Variants in LAMA1 observed in about 807,000 individuals in gnomAD.
LAMA1 encodes laminin subunit alpha 1.
Under a neutral mutation model 348.7 loss-of-function variants are expected in LAMA1, and 219 were observed. The observed-to-expected ratio is 0.63, with a 90% CI of 0.56 to 0.70. LAMA1 has a LOEUF of 0.70. LAMA1 is among the 30% of genes least tolerant of loss of function. The pLI is 0.00. For synonymous variants in LAMA1, 1,487 were observed against 1,491.0 expected, an observed-to-expected ratio of 1.00 and a Z score of 0.06; for missense variants, 3,744 against 3,888.0, an observed-to-expected ratio of 0.96 and a Z score of 0.99.
intron 1 of LAMA1, among the ~76,000 whole-genome samples, chr18:7,081,776 T>C (rs536826194): frequency 1.3e-5 from 2 of 152,322 alleles, no homozygotes; most frequent in Admixed American, 1.3e-4. Context: ...GAGAGCATAC[T>C]GCGAGGGTCT....
In LAMA1 at chr18:7,049,806, T is replaced by C. The variant is rs561732607; in HGVS notation, c.589-549A>G. 3.3e-4 allele frequency among the ~76,000 whole-genome samples: 50 copies of C among 152,342 alleles called. No homozygotes were observed. In the South Asian group the frequency reaches 9.9e-3, roughly 30 times the overall value. ...CTATTTCACTGTCTCAGATATACTA[T>C]ATACTTAAAATCTGTATGTTTTCCT... On this transcript the variant is annotated intron_variant, in intron 4 of 62. Coordinates refer to ENST00000389658, the MANE Select transcript of LAMA1 (RefSeq NM_005559.4).
intron 29 of LAMA1, 41 bp downstream of exon 29, chr18:7,007,098 T>C (rs1458593840): frequency 6.2e-7 from 1 of 1,611,384 alleles, no homozygotes; most frequent in African/African-American, 1.3e-5. Flanking sequence ...GCGTCCACTT[T>C]ACTTCTAAAC....
intron 60 of LAMA1, 72 bp downstream of exon 60, chr18:6,948,331 C>G: frequency 6.3e-7 from 1 of 1,593,376 alleles, no homozygotes. Flanking sequence ...CTGTCTTATA[C>G]TCTTGGATCC....
At chr18:6,967,572 C>T (rs1287038289) in intron 48 of LAMA1, among the ~76,000 whole-genome samples, 1 of 152,180 alleles carries the variant, frequency 6.6e-6, no homozygotes, top group Non-Finnish European at 1.5e-5. Context: ...CCAGGCAGTT[C>T]TTAGAACAGT....
At chr18:6,997,710 T>G (rs200730576) in intron 33 of LAMA1, 32 bp downstream of exon 33, 7 of 1,606,834 alleles carry the variant, frequency 4.4e-6, no homozygotes, top group Non-Finnish European at 6.0e-6. Context: ...ATGATACAAG[T>G]GTCTGTTCAT....
chr18:7,067,781 C>A (rs1196222056), intron 3 of LAMA1, among the ~76,000 whole-genome samples: 1 of 152,072 alleles, frequency 6.6e-6, no homozygotes, highest in Non-Finnish European at 1.5e-5. Context: ...ATTTCCAGGC[C>A]TTTCCCACCC....
chr18:6,998,765 G>T (rs973587346), intron 32 of LAMA1, among the ~76,000 whole-genome samples: 2 of 152,204 alleles, frequency 1.3e-5, no homozygotes, highest in Admixed American at 1.3e-4. Flanking sequence ...GGGCATGGTG[G>T]TTCATGCCTG....
intron 34 of LAMA1, among the ~76,000 whole-genome samples, chr18:6,994,722 A>AAAAG (rs397710361): frequency 6.6e-6 from 1 of 151,680 alleles, no homozygotes; most frequent in East Asian, 1.9e-4. Context: ...AAATGAAAAA[A>AAAAG]CAGTAAATTT....
In LAMA1 at chr18:7,011,438, A is replaced by G. The variant is rs1166314560; in HGVS notation, c.3549T>C (p.Ser1183=). The change falls in exon 25 of 63, where the codon TCT becomes TCC. Residue 1183 remains serine (S), a synonymous_variant. Transcript: ENST00000389658. ...GSDQPLLRVV[S]QSNLRGTTEG... ...CGGTCGTGCCCCTCAAGTTACTCTG[A>G]GAAACCACACGCAGAAGAGGCTGAT... The G allele has an allele frequency of 6.2e-7, 1 of 1,608,966 alleles. No homozygotes were observed. Among genetic ancestry groups the G allele is most frequent in the Admixed American group, 1.7e-5 (1 of 59,240 alleles).
At position 6,978,368 on chromosome 18, in the gene LAMA1, G is replaced by C. The variant is rs372377370; in HGVS notation, c.6018C>G (p.Asp2006Glu). Residue 2006 changes from aspartate to glutamate, a missense_variant, in exon 43 of 63, where the codon GAC (aspartate) becomes GAG (glutamate). By Grantham distance (45) the Asp-to-Glu change is conservative. Coordinates refer to ENST00000389658, the MANE Select transcript of LAMA1 (RefSeq NM_005559.4). ...CCAGCTCTTTGGTTTTGGCTCCCTT[G>C]TCTCTTATACCTAAAATAAATGTAT... Reference protein sequence around the residue: ...ILRAIPKGIRDKGAKTKELAT... With the variant: ...ILRAIPKGIREKGAKTKELAT... 45 of 1,613,914 alleles carry C rather than the reference G, an allele frequency of 2.8e-5. No individual in the cohort carries two copies. Among genetic ancestry groups the C allele is most frequent in the Non-Finnish European group, 3.8e-5 (45 of 1,180,028 alleles).
intron 45 of LAMA1, among the ~76,000 whole-genome samples, chr18:6,975,624 C>A (rs185251540): frequency 1.7e-3 from 257 of 152,306 alleles, no homozygotes; most frequent in African/African-American, 5.9e-3. Context: ...CAAGAAAAAC[C>A]TGACAGAAGC....
Position 6,971,934 on chromosome 18 carries a change from C to G in LAMA1, c.6822G>C (p.Glu2274Asp), listed in dbSNP as rs746100710. The G allele has an allele frequency of 1.1e-5, 17 of 1,613,884 alleles. No homozygotes were observed. Among genetic ancestry groups the G allele is most frequent in the Non-Finnish European group, 1.3e-5 (15 of 1,179,966 alleles). ...KVTHFKGCLG[E>D]AFLNGKSIGL... ...CTATGGATTTTCCATTCAGGAAGGC[C>G]TCCCCCAAGCAGCCTTTAAAATGAG... Residue 2274 changes from glutamate (E) to aspartate (D), a missense_variant, in exon 48 of 63, where the codon GAG (glutamate) becomes GAC (aspartate). Coordinates refer to ENST00000389658, the MANE Select transcript of LAMA1 (RefSeq NM_005559.4).
chr18:7,045,088 A>T (rs1313423274), intron 6 of LAMA1, among the ~76,000 whole-genome samples: 2 of 145,960 alleles, frequency 1.4e-5, no homozygotes, highest in Non-Finnish European at 2.9e-5. Context: ...AACTTTTTTT[A>T]AAAATATACA....
intron 57 of LAMA1, among the ~76,000 whole-genome samples, chr18:6,951,433 G>T (rs2057546265): frequency 6.6e-6 from 1 of 152,228 alleles, no homozygotes; most frequent in South Asian, 2.1e-4. Context: ...GTTACTGCAG[G>T]TGTGGAGGAA....
At chr18:7,063,738 G>A (rs573793715) in intron 3 of LAMA1, among the ~76,000 whole-genome samples, 19 of 152,302 alleles carry the variant, frequency 1.2e-4, no homozygotes, top group Admixed American at 3.9e-4. Flanking sequence ...TACGCTAAGT[G>A]AAATAAGCCA....
chr18:7,031,901 AC>A (rs2057971169), intron 16 of LAMA1, among the ~76,000 whole-genome samples, 164 bp downstream of exon 16: 1 of 151,352 alleles, frequency 6.6e-6, no homozygotes, highest in Non-Finnish European at 1.5e-5. Flanking sequence ...AAAAAAAAAA[AC>A]GGGAAACATT....
Position 6,995,254 on chromosome 18 carries a change from G to A in LAMA1, c.4896+103C>T, listed in dbSNP as rs1387098720. ...CACAGCTCGTGGGAGGAAGAGGCTG[G>A]CATGATCTAATCAGAACCTTCCAGA... is the stretch of plus-strand genomic sequence containing the variant. On this transcript the variant is annotated intron_variant, in intron 34 of 62. Transcript: ENST00000389658. 3 of 807,554 alleles carry A rather than the reference G, an allele frequency of 3.7e-6. No individual in the cohort carries two copies. In the African/African-American group the frequency reaches 5.0e-5, roughly 14 times the overall value. The allele number at this position is 807,554 out of a possible 1,614,324, so 50.0% of individuals were successfully genotyped here. A position where few individuals can be genotyped will look rare whatever the true frequency, so the allele number is the denominator to read the frequency against.
intron 3 of LAMA1, among the ~76,000 whole-genome samples, chr18:7,063,352 A>G (rs2058110065): frequency 6.6e-6 from 1 of 152,230 alleles, no homozygotes; most frequent in Non-Finnish European, 1.5e-5. Context: ...AATATGTAGG[A>G]TACATAATAT....
At chr18:6,952,700 A>G (rs2057552429) in intron 57 of LAMA1, among the ~76,000 whole-genome samples, 2 of 152,250 alleles carry the variant, frequency 1.3e-5, no homozygotes, top group African/African-American at 4.8e-5. Context: ...ATCTCATGCC[A>G]TCCCACTCGG....
Sources: gnomAD v4.1 joint callset for allele counts (sites outside exome capture counted in the v4.1 genomes callset) on GRCh38, gnomAD v4.1.1 for gene constraint, MANE v1.5 for transcripts, NCBI Gene and HGNC (gene_info 2026-07-23, HGNC 2026-07-21) for gene names.